The following PAPPA variants were observed in gnomAD, a reference collection of about 807,000 sequenced individuals.
PAPPA encodes pappalysin-1.
Under a neutral mutation model 164.0 loss-of-function variants are expected in PAPPA, and 60 were observed. The observed-to-expected ratio is 0.37, with a 90% confidence interval of 0.30 to 0.45. The LOEUF is 0.45. PAPPA is among the 20% of genes least tolerant of loss of function. PAPPA has a pLI of 1.00. For synonymous variants in PAPPA, 875 were observed against 814.1 expected (o/e 1.07, Z -1.27); for missense variants, 1,782 against 2,087.3 (o/e 0.85, Z 2.85).
intron 1 of PAPPA, among the ~76,000 whole-genome samples, chr9:116,156,235 G>A (rs1260340345): frequency 2.0e-5 from 3 of 150,166 alleles, no homozygotes; most frequent in Non-Finnish European, 3.0e-5. Flanking sequence ...TGAAAGGGTA[G>A]TGAATGCATT....
intron 9 of PAPPA, among the ~76,000 whole-genome samples, chr9:116,285,190 TGACAGATTCTCACTTTG>T (rs1845322027): frequency 7.0e-6 from 1 of 143,524 alleles, no homozygotes; most frequent in African/African-American, 2.6e-5. Context: ...TTTTTTTTTT[TGACAGATTCTCACTTTG>T]TTGCCAGGCC....
At chr9:116,344,174 T>C (rs577944167) in intron 13 of PAPPA, among the ~76,000 whole-genome samples, 9 of 152,262 alleles carry the variant, frequency 5.9e-5, no homozygotes, top group African/African-American at 1.7e-4. Context: ...ACTCACAAAA[T>C]AGAAAAAGGC....
intron 21 of PAPPA, among the ~76,000 whole-genome samples, chr9:116,391,364 C>T (rs948096431): frequency 6.6e-6 from 1 of 152,188 alleles, no homozygotes; most frequent in African/African-American, 2.4e-5. Flanking sequence ...GGTGAAGTGA[C>T]CTGCCAGTGA....
At chr9:116,244,073 T>C (rs1183901410) in intron 7 of PAPPA, among the ~76,000 whole-genome samples, 2 of 152,152 alleles carry the variant, frequency 1.3e-5, no homozygotes, top group African/African-American at 4.8e-5. Flanking sequence ...CTCATCAGTC[T>C]TGGCCAAGTA....
intron 1 of PAPPA, among the ~76,000 whole-genome samples, chr9:116,162,463 C>G (rs750120143): frequency 6.6e-6 from 1 of 152,134 alleles, no homozygotes; most frequent in African/African-American, 2.4e-5. Context: ...CCTGCAGGAG[C>G]ATATGTTTAC....
intron 7 of PAPPA, among the ~76,000 whole-genome samples, chr9:116,236,302 C>A (rs942594910): frequency 6.6e-6 from 1 of 151,896 alleles, no homozygotes; most frequent in African/African-American, 2.4e-5. Context: ...TACTCACTTC[C>A]CGGCCAGGGA....
chr9:116,347,141 C>G lies in PAPPA; in HGVS notation c.3896C>G (p.Ser1299Cys). Reference protein sequence around the residue: ...DHHQVYAASFSCPEGTTFGSQ... With the variant: ...DHHQVYAASFCCPEGTTFGSQ... ...CATCAAGTCTATGCTGCCTCCTTCT[C>G]CTGCCCTGAGGGCACCACCTTTGGC... The change falls in exon 15 of 22, where the codon TCC becomes TGC. Residue 1299 changes from serine to cysteine, a missense_variant. Ser to Cys is a moderately radical substitution (Grantham distance 112). Around this residue, in one of 2 missense-constraint regions of PAPPA, gnomAD observed 1,324 missense variants for 1,656.9 expected, o/e 0.80. Transcript: ENST00000328252. This position sits in a 1 kb window ranked among gnomAD's most constrained non-coding sequence, Gnocchi z 4.5. 6.2e-7 allele frequency: 1 copy of G among 1,614,186 alleles called. No homozygotes were observed. The highest frequency in any genetic ancestry group is 8.5e-7 in the Non-Finnish European group (1 of 1,180,004).
chr9:116,382,783 G>T (rs1225752500), intron 21 of PAPPA, among the ~76,000 whole-genome samples: 2 of 152,044 alleles, frequency 1.3e-5, no homozygotes, highest in African/African-American at 4.8e-5. Flanking sequence ...AAAGTGCTTG[G>T]GGGGCTAGGC....
chr9:116,204,779 T>C (rs1012016365), intron 2 of PAPPA, among the ~76,000 whole-genome samples: 3 of 152,170 alleles, frequency 2.0e-5, no homozygotes, highest in Admixed American at 6.6e-5. Flanking sequence ...TTCCCAAAAA[T>C]TGCAAAATGT....
rs147561420 is a variant in PAPPA, at chr9:116,160,714, A to G, written c.415+6127A>G. 8.7e-4 allele frequency among the ~76,000 whole-genome samples: 132 copies of G among 152,262 alleles called. 1 individual carries two copies. The highest frequency in any genetic ancestry group is 3.1e-3 in the African/African-American group (128 of 41,550). ...ACCAGCTGCCCCTTCTCTAGAACTT[A>G]GTTCCCTTTCCCTAAGGTTCTCCTA... On this transcript the variant is annotated intron_variant, in intron 1 of 21. Coordinates refer to ENST00000328252, the MANE Select transcript of PAPPA (RefSeq NM_002581.5).
chr9:116,277,675 T>A (rs1845216357), intron 9 of PAPPA, among the ~76,000 whole-genome samples: 1 of 152,200 alleles, frequency 6.6e-6, no homozygotes, highest in Admixed American at 6.5e-5. Flanking sequence ...TTTTATTTTT[T>A]ATTTTAATTT....
chr9:116,154,339 G>T lies in PAPPA; in HGVS notation c.167G>T (p.Arg56Leu). ...TCATRAARGR[R>L]ASPPPPPPPG... Reference sequence around the variant, plus strand: ...GCCACCCGGGCGGCCCGCGGCCGCCGCGCCTCGCCGCCGCCGCCGCCGCCG... The same window carrying T: ...GCCACCCGGGCGGCCCGCGGCCGCCTCGCCTCGCCGCCGCCGCCGCCGCCG... Residue 56 changes from arginine (R) to leucine (L), a missense_variant, in exon 1 of 22, where the codon CGC becomes CTC. Physicochemically the swap from Arg to Leu is moderately radical, Grantham distance 102. Transcript: ENST00000328252. This position sits in a 1 kb window ranked among gnomAD's most constrained non-coding sequence, Gnocchi z 5.2. The T allele has an allele frequency of 1.2e-6, 1 of 823,262 alleles. No individual in the cohort carries two copies. Among genetic ancestry groups the T allele is most frequent in the Non-Finnish European group, 1.5e-6 (1 of 688,262 alleles). The allele number at this position is 823,262 out of a possible 1,614,324, so 51.0% of individuals were successfully genotyped here.
In PAPPA at chr9:116,235,272, C is replaced by T. The variant is rs1844647087; in HGVS notation, c.2367C>T (p.Tyr789=). ...QGCYLELEFL[Y]PLVPESLTIW... is the part of the protein sequence containing the mutation. ...GCTACCTCGAGCTGGAGTTCCTCTACCCCTTGGTCCCTGAGTCTCTGACCA... is the reference window on the plus strand; with the variant it reads ...GCTACCTCGAGCTGGAGTTCCTCTATCCCTTGGTCCCTGAGTCTCTGACCA... Residue 789 remains tyrosine (Y), a synonymous_variant, in exon 7 of 22, where the codon TAC becomes TAT. Transcript: ENST00000328252. The T allele has an allele frequency of 6.2e-7, 1 of 1,614,154 alleles. No homozygotes were observed. Among genetic ancestry groups the T allele is most frequent in the Non-Finnish European group, 8.5e-7 (1 of 1,180,020 alleles).
intron 21 of PAPPA, among the ~76,000 whole-genome samples, chr9:116,388,436 A>C (rs1224698347): frequency 6.6e-6 from 1 of 152,212 alleles, no homozygotes; most frequent in East Asian, 1.9e-4. Context: ...CAACCTTAAC[A>C]TATTCAACAT....
chr9:116,261,830 T>C (rs1241052886), intron 7 of PAPPA, among the ~76,000 whole-genome samples: 1 of 152,108 alleles, frequency 6.6e-6, no homozygotes, highest in East Asian at 1.9e-4. Context: ...TACAACCCTA[T>C]GGCACATATG....
intron 7 of PAPPA, among the ~76,000 whole-genome samples, chr9:116,242,716 G>A (rs904037357): frequency 6.6e-6 from 1 of 152,168 alleles, no homozygotes; most frequent in African/African-American, 2.4e-5. Context: ...GATAAGCTAT[G>A]GGCCTTTTTC....
At chr9:116,390,571 G>C (rs1206510362) in intron 21 of PAPPA, among the ~76,000 whole-genome samples, 2 of 151,964 alleles carry the variant, frequency 1.3e-5, no homozygotes, top group African/African-American at 4.8e-5. Context: ...TTGGAAGAGA[G>C]AGTAGATATG....
Position 116,254,760 on chromosome 9 carries a change from T to C in PAPPA, c.2733-11097T>C, listed in dbSNP as rs567866030. 1.2e-3 allele frequency among the ~76,000 whole-genome samples: 149 copies of C among 123,782 alleles called. 1 individual carries two copies. Among genetic ancestry groups the C allele is most frequent in the Middle Eastern group, 6.3e-3 (1 of 158 alleles). The allele number at this position is 123,782 out of a possible 152,430, so 81.2% of individuals were successfully genotyped here. A position where few individuals can be genotyped will look rare whatever the true frequency, so the allele number is the denominator to read the frequency against. ...CTGCACCACTGCACTCCAGCCTGGGTGACAGAGCAAGACTCCGTCTCAAAA... is the reference window on the plus strand; with the variant it reads ...CTGCACCACTGCACTCCAGCCTGGGCGACAGAGCAAGACTCCGTCTCAAAA... On this transcript the variant is annotated intron_variant, in intron 7 of 21. Coordinates refer to ENST00000328252, the MANE Select transcript of PAPPA (RefSeq NM_002581.5).
At chr9:116,337,968 G>A (rs1467670737) in intron 13 of PAPPA, among the ~76,000 whole-genome samples, 1 of 152,128 alleles carries the variant, frequency 6.6e-6, no homozygotes, top group Non-Finnish European at 1.5e-5. Flanking sequence ...CCAAGTTGTG[G>A]AAAGGAGAAA....
Sources: allele counts gnomAD v4.1 joint callset (sites outside exome capture counted in the v4.1 genomes callset), GRCh38; gene constraint gnomAD v4.1.1; regional missense constraint gnomAD v4.1.1; non-coding constraint Gnocchi (gnomAD v3.1); transcripts MANE v1.5; gene names NCBI Gene and HGNC (gene_info 2026-07-23, HGNC 2026-07-21).